Variants in ABCC11 observed in about 807,000 individuals in gnomAD.
ABCC11 encodes ATP-binding cassette sub-family C member 11.
In ABCC11, 135 loss-of-function variants were observed where a neutral mutation model predicts 149.3. The ratio of observed to expected loss-of-function variants is 0.90; its 90% CI spans 0.79 to 1.04. ABCC11 has a LOEUF of 1.04. Ranked by LOEUF, ABCC11 falls within the 50% of genes least tolerant of loss-of-function variation. The pLI, the probability that ABCC11 is intolerant of heterozygous loss-of-function variation, is 0.00. For missense variants in ABCC11, 1,680 were observed against 1,722.1 expected (o/e 0.98, Z 0.43); for synonymous variants, 665 against 671.4 (o/e 0.99, Z 0.15).
At chr16:48,216,029 T>C (rs1042016192) in intron 7 of ABCC11, 85 bp downstream of exon 7, 10 of 1,391,082 alleles carry the variant, frequency 7.2e-6, no homozygotes, top group African/African-American at 5.8e-5. Context: ...CAAGAATCAA[T>C]GTTCTCACTC....
Position 48,227,788 on chromosome 16 carries a change from T to G in ABCC11, c.395+18A>C. The G allele has an allele frequency of 6.2e-7, 1 of 1,613,400 alleles. No homozygotes were observed. The highest frequency in any genetic ancestry group is 8.5e-7 in the Non-Finnish European group (1 of 1,179,628). Reference sequence around the variant, plus strand: ...TTGTCTTTTAACCTATCCACTGGTTTGCCCAGCGCAGCTTCACCTTTGGAC... The same window carrying G: ...TTGTCTTTTAACCTATCCACTGGTTGGCCCAGCGCAGCTTCACCTTTGGAC... On this transcript the variant is annotated intron_variant, in intron 4 of 29. Coordinates refer to ENST00000356608, the MANE Select transcript of ABCC11 (RefSeq NM_001370497.1).
chr16:48,184,742 G>A lies in ABCC11; in HGVS notation c.3072-116C>T, dbSNP rs1385547379. 4 of 1,092,616 alleles carry A rather than the reference G, an allele frequency of 3.7e-6. No individual in the cohort carries two copies. The African/African-American group carries it at 6.3e-5, about 17-fold the overall frequency. The allele number at this position is 1,092,616 out of a possible 1,614,324, so 67.7% of individuals were successfully genotyped here. A position where few individuals can be genotyped will look rare whatever the true frequency, so the allele number is the denominator to read the frequency against. ...TCCAGTTCCCCACTCCCAGCAGCAGGGCCTGATTTTTCTTTGGGGAGTTCC... is the reference window on the plus strand; with the variant it reads ...TCCAGTTCCCCACTCCCAGCAGCAGAGCCTGATTTTTCTTTGGGGAGTTCC... On this transcript the variant is annotated intron_variant, in intron 22 of 29. Coordinates refer to ENST00000356608, the MANE Select transcript of ABCC11 (RefSeq NM_001370497.1).
intron 1 of ABCC11, among the ~76,000 whole-genome samples, chr16:48,234,948 G>A (rs1015797088): frequency 1.4e-4 from 16 of 115,562 alleles, no homozygotes; most frequent in African/African-American, 6.2e-4. Flanking sequence ...TCTGCCAGGT[G>A]ACAACTCCTA....
Position 48,244,333 on chromosome 16 carries a change from G to C in ABCC11, c.-19+2981C>G, listed in dbSNP as rs1349897748. The C allele has an allele frequency of 1.6e-5, 21 of 1,315,726 alleles. No individual in the cohort carries two copies. In the East Asian group the frequency reaches 6.1e-4, roughly 38 times the overall value. The allele number at this position is 1,315,726 out of a possible 1,614,324, so 81.5% of individuals were successfully genotyped here. On this transcript the variant is annotated intron_variant, in intron 1 of 29. Transcript: ENST00000356608. ...GGTTTGGTGACTGCGGGGCAGGCCG[G>C]GGGCAGCTGTCTGTCTGGCTCTTTT... is the stretch of plus-strand genomic sequence containing the variant.
chr16:48,213,345 G>A, intron 10 of ABCC11, 98 bp downstream of exon 10: 1 of 1,050,914 alleles, frequency 9.5e-7, no homozygotes, highest in Non-Finnish European at 1.4e-6. Context: ...CTCGACCTAG[G>A]CCTTGGCCAG....
In ABCC11 at chr16:48,214,926, C is replaced by T. The variant is rs748591683; in HGVS notation, c.1203G>A (p.Trp401Ter). Residue 401 changes from tryptophan to a stop codon, truncating the protein, a stop_gained, in exon 9 of 30, where the codon TGG (tryptophan) becomes TGA (stop). Transcript: ENST00000356608. LOFTEE classifies it high-confidence loss of function. The stretch of plus-strand genomic sequence containing the variant: ...GCTTTAAGGATGTGTGGATGAGAAC[C>T]CAGACCGCTGTGGCCACTGTGGGGA... ...FIIPTVATAV[W>*]VLIHTSLKLK... is the part of the protein sequence containing the mutation. 6.2e-7 allele frequency: 1 copy of T among 1,614,000 alleles called. No homozygotes were observed. Among genetic ancestry groups the T allele is most frequent in the African/African-American group, 1.3e-5 (1 of 74,900 alleles).
At chr16:48,190,129 T>A (rs1966860503) in intron 20 of ABCC11, among the ~76,000 whole-genome samples, 1 of 152,184 alleles carries the variant, frequency 6.6e-6, no homozygotes, top group East Asian at 1.9e-4. Context: ...TATGTTCTCA[T>A]GGCCCTGTGT....
At chr16:48,215,486 A>G (rs574958965) in intron 7 of ABCC11, 142 bp from the exon 8 acceptor site, 12 of 986,440 alleles carry the variant, frequency 1.2e-5, no homozygotes, top group African/African-American at 1.1e-4. Flanking sequence ...CCAGGCCACT[A>G]TGCCTTAGAG....
At position 48,192,551 on chromosome 16, in the gene ABCC11, G is replaced by A. The variant is rs1330586888; in HGVS notation, c.2675C>T (p.Ser892Phe). ...GIFTKVTRKA[S>F]TALHNKLFNK... Reference sequence around the variant, plus strand: ...GAAGAGCTTGTTGTGCAGGGCCGTGGATGCCTTCCTCGTGACCTTGGTGAA... The same window carrying A: ...GAAGAGCTTGTTGTGCAGGGCCGTGAATGCCTTCCTCGTGACCTTGGTGAA... Residue 892 changes from serine to phenylalanine, a missense_variant, in exon 20 of 30, where the codon TCC becomes TTC. Transcript: ENST00000356608. 6.2e-7 allele frequency: 1 copy of A among 1,614,268 alleles called. No individual in the cohort carries two copies. The highest frequency in any genetic ancestry group is 8.5e-7 in the Non-Finnish European group (1 of 1,180,054).
intron 23 of ABCC11, among the ~76,000 whole-genome samples, chr16:48,183,513 G>A (rs1027450732): frequency 1.3e-5 from 2 of 152,234 alleles, no homozygotes; most frequent in African/African-American, 4.8e-5. Context: ...CTGAGTGCCA[G>A]CACTTTGGGA....
rs139104478 is a variant in ABCC11, at chr16:48,222,634, G to A, written c.741C>T (p.Ile247=). 6.2e-6 allele frequency: 10 copies of A among 1,614,064 alleles called. No homozygotes were observed. In the African/African-American group the frequency reaches 1.1e-4, roughly 17 times the overall value. ...AVSSFAFEKL[I]QFKSVIHITS... is the part of the protein sequence containing the mutation. ...TGATGTGTATTACAGACTTAAATTG[G>A]ATGAGCTTCTCAAAGGCAAAGGAGG... Residue 247 remains isoleucine, a synonymous_variant, in exon 6 of 30, where the codon ATC becomes ATT. Coordinates refer to ENST00000356608, the MANE Select transcript of ABCC11 (RefSeq NM_001370497.1).
chr16:48,196,441 A>G (rs1031835883), intron 17 of ABCC11, 120 bp from the exon 18 acceptor site: 2 of 898,804 alleles, frequency 2.2e-6, no homozygotes, highest in African/African-American at 1.7e-5. Context: ...TGCCCCACCT[A>G]TGTCTAAGGT....
chr16:48,172,384 C>G (rs765756935), intron 26 of ABCC11, among the ~76,000 whole-genome samples: 4 of 151,764 alleles, frequency 2.6e-5, no homozygotes, highest in Non-Finnish European at 4.4e-5. Flanking sequence ...GGATATATAA[C>G]TAGAAGTGAA....
chr16:48,205,260 A>C (rs372194495), intron 13 of ABCC11, among the ~76,000 whole-genome samples, 153 bp downstream of exon 13: 2 of 152,216 alleles, frequency 1.3e-5, no homozygotes, highest in African/African-American at 4.8e-5. Context: ...AATTGATATG[A>C]TGGTATTTCT....
At chr16:48,173,382 T>A (rs1431860793) in intron 26 of ABCC11, among the ~76,000 whole-genome samples, 1 of 152,202 alleles carries the variant, frequency 6.6e-6, no homozygotes, top group African/African-American at 2.4e-5. Flanking sequence ...CTAAGTTCCG[T>A]GCCTTCATCT....
At chr16:48,228,083 G>T in intron 3 of ABCC11, 119 bp from the exon 4 acceptor site, 1 of 945,594 alleles carries the variant, frequency 1.1e-6, no homozygotes, top group Non-Finnish European at 1.5e-6. Context: ...ATGTTTTCAT[G>T]ACTCTTATTT....
intron 23 of ABCC11, among the ~76,000 whole-genome samples, chr16:48,182,782 CAAA>C (rs558410509): frequency 1.4e-4 from 10 of 73,414 alleles, no homozygotes; most frequent in Admixed American, 3.2e-4. Context: ...GACTCCATCT[CAAA>C]AAAAAAAAAA....
intron 22 of ABCC11, among the ~76,000 whole-genome samples, chr16:48,184,905 G>A: frequency 6.6e-6 from 1 of 152,234 alleles, no homozygotes; most frequent in East Asian, 1.9e-4. Flanking sequence ...TCAGGGATGG[G>A]TGAGTTACCC....
intron 5 of ABCC11, among the ~76,000 whole-genome samples, chr16:48,223,128 C>T (rs1969856199): frequency 6.6e-6 from 1 of 152,144 alleles, no homozygotes; most frequent in South Asian, 2.1e-4. Context: ...AAGGTGTAGA[C>T]AGAATATAGG....
Sources: allele counts gnomAD v4.1 joint callset (sites outside exome capture counted in the v4.1 genomes callset), GRCh38; gene constraint gnomAD v4.1.1; transcripts MANE v1.5; gene names NCBI Gene and HGNC (gene_info 2026-07-23, HGNC 2026-07-21).